The following ACOT12 variants were observed in gnomAD, a reference collection of about 807,000 sequenced individuals.
ACOT12 encodes the protein acetyl-coenzyme A thioesterase.
In ACOT12, 51 loss-of-function variants were observed where a neutral mutation model predicts 67.7. The observed-to-expected ratio is 0.75, with a 90% CI of 0.60 to 0.95. The LOEUF is 0.95. ACOT12 is among the 40% of genes least tolerant of loss of function. The pLI, the probability that ACOT12 is intolerant of heterozygous loss-of-function variation, is 0.00. For synonymous variants in ACOT12, 251 were observed against 244.6 expected (o/e 1.03, Z -0.24); for missense variants, 734 against 708.1 (o/e 1.04, Z -0.41).
At chr5:81,334,747 G>T (rs1758943082) in intron 12 of ACOT12, among the ~76,000 whole-genome samples, 1 of 152,240 alleles carries the variant, frequency 6.6e-6, no homozygotes, top group Admixed American at 6.5e-5. Flanking sequence ...GGGCCATGAA[G>T]CCCTGCGGGG....
intron 5 of ACOT12, among the ~76,000 whole-genome samples, chr5:81,352,859 C>T (rs1054043317): frequency 4.6e-5 from 7 of 152,094 alleles, no homozygotes; most frequent in Admixed American, 1.3e-4. Context: ...AATATATACA[C>T]CTACTGTGTA....
chr5:81,344,907 A>T lies in ACOT12; in HGVS notation c.908T>A (p.Ile303Asn). The change falls in exon 8 of 15, where the codon ATC becomes AAC. Residue 303 changes from isoleucine (I) to asparagine (N), a missense_variant. Transcript: ENST00000307624. ...ATAACTGACCTTTGAAATGGGTTGG[A>T]TTCTGGGAAACGTGATGAGATTTTC... ...DKENLITFPR[I>N]QPISKDDFRR... The T allele has an allele frequency of 6.2e-7, 1 of 1,614,158 alleles. No homozygotes were observed. The highest frequency in any genetic ancestry group is 8.5e-7 in the Non-Finnish European group (1 of 1,180,026).
At chr5:81,373,480 T>C (rs1326086693) in intron 2 of ACOT12, among the ~76,000 whole-genome samples, 2 of 152,176 alleles carry the variant, frequency 1.3e-5, no homozygotes, top group South Asian at 2.1e-4. Flanking sequence ...GAGTGTTTTT[T>C]TCATACCCCA....
At chr5:81,342,152 G>A (rs371106158) in intron 11 of ACOT12, among the ~76,000 whole-genome samples, 4 of 152,036 alleles carry the variant, frequency 2.6e-5, no homozygotes, top group African/African-American at 4.8e-5. Context: ...TACCACAGCC[G>A]GCTAATTTTT....
chr5:81,342,575 CT>C (rs1759231572), intron 11 of ACOT12, 96 bp downstream of exon 11: 2 of 1,223,582 alleles, frequency 1.6e-6, no homozygotes, highest in Admixed American at 2.0e-5. Context: ...ATTTTGTTAC[CT>C]TCTTAAAAGC....
intron 3 of ACOT12, among the ~76,000 whole-genome samples, chr5:81,365,384 C>A (rs1365362202): frequency 6.6e-6 from 1 of 152,090 alleles, no homozygotes; most frequent in African/African-American, 2.4e-5. Context: ...TGATGATTAG[C>A]CAAAATTAAA....
At chr5:81,385,244 C>T (rs548176668) in intron 2 of ACOT12, among the ~76,000 whole-genome samples, 3 of 151,868 alleles carry the variant, frequency 2.0e-5, no homozygotes, top group Admixed American at 6.6e-5. Context: ...CCCAGGAGTT[C>T]GAGATCAGCC....
rs1204630887 is a variant in ACOT12, at chr5:81,363,837, A to C, written c.311T>G (p.Val104Gly). 1.9e-6 allele frequency: 3 copies of C among 1,612,460 alleles called. No individual in the cohort carries two copies. Residue 104 changes from valine to glycine, a missense_variant, in exon 4 of 15, where the codon GTT (valine) becomes GGT (glycine). Physicochemically the swap from Val to Gly is moderately radical, Grantham distance 109 (BLOSUM62 -3). Coordinates refer to ENST00000307624, the MANE Select transcript of ACOT12 (RefSeq NM_130767.3). ...QDMLTGIEKL[V>G]SVAFSTFVAK... ...TACAAATGTGGAGAAAGCCACACTAACAAGCTTCTCAATGCCAGTGAGCAT... is the reference window on the plus strand; with the variant it reads ...TACAAATGTGGAGAAAGCCACACTACCAAGCTTCTCAATGCCAGTGAGCAT...
At chr5:81,312,592 A>G in the ACOT12 span, 1 of 1,614,004 alleles carries the variant, frequency 6.2e-7, no homozygotes, top group Non-Finnish European at 8.5e-7. Context: ...AGTGCAGACT[A>G]TGAAGAAATT....
intron 3 of ACOT12, 73 bp from the exon 4 acceptor site, chr5:81,363,962 G>T: frequency 1.1e-6 from 1 of 922,928 alleles, no homozygotes; most frequent in Non-Finnish European, 1.5e-6. Flanking sequence ...TTAGTCATAT[G>T]TATGCACCAT....
At chr5:81,336,019 G>C (rs1055291673) in intron 11 of ACOT12, 118 bp from the exon 12 acceptor site, 2 of 1,116,960 alleles carry the variant, frequency 1.8e-6, no homozygotes, top group Non-Finnish European at 2.5e-6. Flanking sequence ...CTTATTTCCT[G>C]GATGAAATTG....
At chr5:81,319,546 C>T in the ACOT12 span, among the ~76,000 whole-genome samples, 2 of 152,074 alleles carry the variant, frequency 1.3e-5, no homozygotes, top group Admixed American at 6.6e-5. Context: ...GGAGAAACCC[C>T]GTATCTACTA....
intron 11 of ACOT12, among the ~76,000 whole-genome samples, chr5:81,340,042 C>CT (rs1257423189): frequency 0.031 from 4,482 of 143,002 alleles, 93 homozygotes; most frequent in African/African-American, 0.064. Flanking sequence ...AAGTATGATT[C>CT]TTTTTTTTTT....
chr5:81,358,007 CAAAAAAA>C (rs777333534), intron 5 of ACOT12, among the ~76,000 whole-genome samples: 6 of 71,032 alleles, frequency 8.4e-5, no homozygotes, highest in Non-Finnish European at 1.8e-4. Flanking sequence ...CCCCATCTCA[CAAAAAAA>C]AAAAAAAAAA....
At position 81,335,822 on chromosome 5, in the gene ACOT12, G is replaced by A. The variant is rs1191968197; in HGVS notation, c.1208C>T (p.Ala403Val). 3 of 1,614,068 alleles carry A rather than the reference G, an allele frequency of 1.9e-6. No individual in the cohort carries two copies. The highest frequency in any genetic ancestry group is 1.3e-5 in the African/African-American group (1 of 75,030). ...EKHVGSPAHL[A>V]YRLLSDFTKR... ...TGTAAAGTCAGACAAGAGACGATAA[G>A]CCAAATGTGCTGGACTTCCCACGTG... Residue 403 changes from alanine (A) to valine (V), a missense_variant, in exon 12 of 15, where the codon GCT (alanine) becomes GTT (valine). Transcript: ENST00000307624.
At chr5:81,360,158 T>C (rs1485353862) in intron 4 of ACOT12, 120 bp from the exon 5 acceptor site, 2 of 1,021,482 alleles carry the variant, frequency 2.0e-6, no homozygotes, top group Admixed American at 6.5e-5. Context: ...AGAGCTTTTA[T>C]GAGTGTTTTC....
chr5:81,335,630 C>T (rs756960316), intron 12 of ACOT12, 138 bp downstream of exon 12: 31 of 1,084,992 alleles, frequency 2.9e-5, no homozygotes, highest in Non-Finnish European at 4.0e-5. Flanking sequence ...TCCCAAAGTG[C>T]TATGCTGGGT....
At chr5:81,354,739 T>C (rs1046633100) in intron 5 of ACOT12, among the ~76,000 whole-genome samples, 5 of 152,082 alleles carry the variant, frequency 3.3e-5, no homozygotes, top group African/African-American at 1.2e-4. Context: ...AATCTGGCTC[T>C]GTGGCCTAGG....
chr5:81,312,666 C>T, the ACOT12 span: 1 of 1,595,136 alleles, frequency 6.3e-7, no homozygotes, highest in South Asian at 1.1e-5. Flanking sequence ...TTTTTGATAA[C>T]AGCTAGCACT....
Sources: gnomAD v4.1 joint callset for allele counts (sites outside exome capture counted in the v4.1 genomes callset) on GRCh38, gnomAD v4.1.1 for gene constraint, MANE v1.5 for transcripts, NCBI Gene and HGNC (gene_info 2026-07-23, HGNC 2026-07-21) for gene names.